KRT79: variants seen among roughly 807,000 people sequenced by gnomAD.
KRT79 encodes keratin, type II cytoskeletal 79.
In KRT79, 51 loss-of-function variants were observed where a neutral mutation model predicts 49.0. That is an observed-to-expected ratio of 1.04 (90% CI 0.83 to 1.31). The LOEUF is 1.31. Ranked by LOEUF, KRT79 falls within the 40% of genes most tolerant of loss-of-function variation. The pLI, the probability that KRT79 is intolerant of heterozygous loss-of-function variation, is 0.00. For missense variants in KRT79, 728 were observed against 688.0 expected (o/e 1.06, Z -0.65); for synonymous variants, 312 against 286.6 (o/e 1.09, Z -0.90).
At chr12:52,825,523 G>C (rs148267170) in intron 4 of KRT79, among the ~76,000 whole-genome samples, 82 of 152,292 alleles carry the variant, frequency 5.4e-4, no homozygotes, top group Non-Finnish European at 1.0e-3. Flanking sequence ...GAGGAGCTCA[G>C]TTTCAAACCC....
chr12:52,831,856 A>T (rs1162607041), intron 1 of KRT79, among the ~76,000 whole-genome samples: 1 of 152,246 alleles, frequency 6.6e-6, no homozygotes, highest in Non-Finnish European at 1.5e-5. Context: ...AGCCCAGCTC[A>T]GTAGCAGTAC....
chr12:52,822,121 A>G, intron 8 of KRT79, 44 bp from the exon 9 acceptor site: 1 of 1,596,800 alleles, frequency 6.3e-7, no homozygotes, highest in Non-Finnish European at 8.6e-7. Context: ...GCCATGCCAG[A>G]GAGGGCTGGG....
intron 7 of KRT79, 58 bp from the exon 8 acceptor site, chr12:52,822,437 A>G: frequency 8.3e-7 from 1 of 1,206,800 alleles, no homozygotes; most frequent in Admixed American, 2.4e-5. Flanking sequence ...CCACATGAAA[A>G]CCCTCTCCTT....
chr12:52,823,318 T>C (rs1183965521), intron 6 of KRT79, 82 bp from the exon 7 acceptor site: 2 of 1,125,784 alleles, frequency 1.8e-6, no homozygotes, highest in Non-Finnish European at 2.6e-6. Context: ...GGAGACATCA[T>C]CATTCCCACA....
At chr12:52,831,893 G>A (rs901953966) in intron 1 of KRT79, among the ~76,000 whole-genome samples, 1 of 152,186 alleles carries the variant, frequency 6.6e-6, no homozygotes, top group Admixed American at 6.5e-5. Context: ...AACCTTGGTC[G>A]AATCATTTCT....
rs567581008 is a variant in KRT79 at position 52,829,961 on chromosome 12, T to A, written c.855+62A>T. On this transcript the variant is annotated intron_variant, in intron 4 of 8. Coordinates refer to ENST00000330553, the MANE Select transcript of KRT79 (RefSeq NM_175834.3). Reference sequence around the variant, plus strand: ...CTGGTGAATTCAGGTCAGACCTCCATGGAAAACGCCCAGTGCTGTTTATAG... The same window carrying A: ...CTGGTGAATTCAGGTCAGACCTCCAAGGAAAACGCCCAGTGCTGTTTATAG... The A allele has an allele frequency of 1.5e-4, 211 of 1,404,374 alleles. 1 individual carries two copies. In the South Asian group the frequency reaches 2.2e-3, roughly 15 times the overall value. 87.0% of individuals were successfully genotyped at this position (1,404,374 alleles called of 1,614,324 possible).
Position 52,831,584 on chromosome 12 carries a change from A to C in KRT79, c.520T>G (p.Trp174Gly). The change falls in exon 2 of 9, where the codon TGG becomes GGG. Residue 174 changes from tryptophan (W) to glycine (G), a missense_variant. Trp to Gly is a radical substitution (Grantham distance 184). Coordinates refer to ENST00000330553, the MANE Select transcript of KRT79 (RefSeq NM_175834.3). ...TGGCCCTGCTCCTGCAGCAGTGCCC[A>C]CTTGGTCTCCAGCACCTTATTCTGT... Reference protein sequence around the residue: ...EQQNKVLETKWALLQEQGQNL... With the variant: ...EQQNKVLETKGALLQEQGQNL... 6.2e-7 allele frequency: 1 copy of C among 1,614,224 alleles called. No homozygotes were observed. Among genetic ancestry groups the C allele is most frequent in the Non-Finnish European group, 8.5e-7 (1 of 1,180,040 alleles).
chr12:52,821,780 T>C lies in KRT79; in HGVS notation c.*92A>G. 1 of 1,179,752 alleles carries C rather than the reference T, an allele frequency of 8.5e-7. No homozygotes were observed. The highest frequency in any genetic ancestry group is 1.2e-6 in the Non-Finnish European group (1 of 814,332). 73.1% of individuals were successfully genotyped at this position (1,179,752 alleles called of 1,614,324 possible). A position where few individuals can be genotyped will look rare whatever the true frequency, so the allele number is the denominator to read the frequency against. On this transcript the variant is annotated 3_prime_UTR_variant, in exon 9 of 9. Coordinates refer to ENST00000330553, the MANE Select transcript of KRT79 (RefSeq NM_175834.3). ...CCCTGGGTCTGAGGTCCCCTGGCTGTTCCTGCTCCTGAGAAGTGACTGGAA... is the reference window on the plus strand; with the variant it reads ...CCCTGGGTCTGAGGTCCCCTGGCTGCTCCTGCTCCTGAGAAGTGACTGGAA...
intron 2 of KRT79, among the ~76,000 whole-genome samples, chr12:52,830,714 T>C (rs1432052136): frequency 2.0e-5 from 3 of 152,236 alleles, no homozygotes; most frequent in African/African-American, 7.2e-5. Context: ...GGTCAATTTA[T>C]GGGAAAAGTC....
rs1346341380 is a variant in KRT79 at position 52,831,461 on chromosome 12, TC to T, written c.642del (p.Arg215GlyfsTer58). 8.7e-6 allele frequency: 14 copies of T among 1,613,980 alleles called. No homozygotes were observed. The highest frequency in any genetic ancestry group is 1.2e-5 in the Non-Finnish European group (14 of 1,180,016). ...STLDRLQSER[G>X]RLDSELRNVQ... ...ACGTTCCTGAGCTCTGAGTCCAGCC[TC>T]CCCCGCTCGCTCTGAAGTCTGTCCA... On this transcript the variant is annotated frameshift_variant, in exon 2 of 9. Transcript: ENST00000330553. LOFTEE classifies it high-confidence loss of function.
intron 1 of KRT79, among the ~76,000 whole-genome samples, chr12:52,832,189 G>A (rs1940265564): frequency 6.6e-6 from 1 of 152,060 alleles, no homozygotes; most frequent in Non-Finnish European, 1.5e-5. Context: ...GATCACTTGA[G>A]CCCAAGAGAT....
At chr12:52,826,271 T>C (rs1358666958) in intron 4 of KRT79, among the ~76,000 whole-genome samples, 1 of 152,046 alleles carries the variant, frequency 6.6e-6, no homozygotes, top group South Asian at 2.1e-4. Context: ...CTTGGCCAGG[T>C]GCAGTGGCTC....
chr12:52,829,493 A>C (rs1940219696), intron 4 of KRT79, among the ~76,000 whole-genome samples: 1 of 152,256 alleles, frequency 6.6e-6, no homozygotes, highest in African/African-American at 2.4e-5. Flanking sequence ...TATAAAATTG[A>C]GACAATAATA....
Position 52,831,547 on chromosome 12 carries a change from A to G in KRT79, c.557T>C (p.Val186Ala), listed in dbSNP as rs144366995. ...LLQEQGQNLG[V>A]TRNNLEPLFE... is the part of the protein sequence containing the mutation. ...GAGGGGCTCCAGGTTGTTCCTGGTG[A>G]CACCCAAGTTCTGGCCCTGCTCCTG... The change falls in exon 2 of 9, where the codon GTC becomes GCC. Residue 186 changes from valine to alanine, a missense_variant. Transcript: ENST00000330553. The G allele has an allele frequency of 3.7e-6, 6 of 1,614,104 alleles. No homozygotes were observed. In the African/African-American group the frequency reaches 8.0e-5, roughly 22 times the overall value.
chr12:52,824,782 T>C (rs1457283881), intron 4 of KRT79, among the ~76,000 whole-genome samples: 2 of 152,106 alleles, frequency 1.3e-5, no homozygotes, highest in African/African-American at 2.4e-5. Context: ...AAACAGCATG[T>C]CCAGCACCAG....
chr12:52,825,172 C>G (rs1166226244), intron 4 of KRT79, among the ~76,000 whole-genome samples: 1 of 152,162 alleles, frequency 6.6e-6, no homozygotes, highest in Non-Finnish European at 1.5e-5. Flanking sequence ...CTCCCATGGT[C>G]CTTCCTGCTC....
chr12:52,831,372 T>C (rs966768898), intron 2 of KRT79, 34 bp downstream of exon 2: 1 of 1,600,632 alleles, frequency 6.2e-7, no homozygotes, highest in Non-Finnish European at 8.6e-7. Context: ...CCCTCCTCAC[T>C]CCCACATGGC....
At position 52,829,454 on chromosome 12, in the gene KRT79, G is replaced by A. The variant is rs113546247; in HGVS notation, c.855+569C>T. Among the ~76,000 whole-genome samples, 1,121 of 152,238 alleles carry A rather than the reference G, an allele frequency of 7.4e-3. 10 individuals are homozygous for A. The highest frequency in any genetic ancestry group is 0.023 in the African/African-American group (968 of 41,542). ...TGCTTCTTCCTAGCTATGTGACCAC[G>A]AGCAACTCTGAGCCCCAGGGTCCTT... is the stretch of plus-strand genomic sequence containing the variant. On this transcript the variant is annotated intron_variant, in intron 4 of 8. Coordinates refer to ENST00000330553, the MANE Select transcript of KRT79 (RefSeq NM_175834.3).
chr12:52,823,349 G>C, intron 6 of KRT79, 113 bp from the exon 7 acceptor site: 1 of 837,896 alleles, frequency 1.2e-6, no homozygotes, highest in Non-Finnish European at 1.9e-6. Context: ...CAACCAGCTG[G>C]GAAAGAGAGA....
Sources: allele counts gnomAD v4.1 joint callset (sites outside exome capture counted in the v4.1 genomes callset), GRCh38; gene constraint gnomAD v4.1.1; transcripts MANE v1.5; gene names NCBI Gene and HGNC (gene_info 2026-07-23, HGNC 2026-07-21).